The following NBAS variants were observed in gnomAD, a reference collection of about 807,000 sequenced individuals.
NBAS encodes the protein NBAS subunit of NRZ tethering complex, also known as NAG/BC035112 fusion.
A neutral mutation model predicts 302.5 loss-of-function variants in NBAS; 219 were observed. The observed-to-expected ratio is 0.72, with a 90% CI of 0.65 to 0.81. NBAS has a LOEUF of 0.81. NBAS is among the 30% of genes least tolerant of loss of function. The pLI is 0.00. For synonymous variants in NBAS, 1,118 were observed against 1,021.6 expected, an observed-to-expected ratio of 1.09 and a Z score of -1.80; for missense variants, 2,932 against 2,841.6, an observed-to-expected ratio of 1.03 and a Z score of -0.72.
chr2:15,221,693 G>C (rs1243161846), intron 47 of NBAS, among the ~76,000 whole-genome samples: 2 of 152,218 alleles, frequency 1.3e-5, no homozygotes, highest in African/African-American at 4.8e-5. Flanking sequence ...ATAAATGCAA[G>C]TGTGGGAAAA....
the NBAS span, among the ~76,000 whole-genome samples, chr2:14,871,817 G>A: frequency 6.6e-6 from 1 of 151,892 alleles, no homozygotes. Flanking sequence ...GCAGGTAAGA[G>A]GCCAAAATTG....
rs546339807 is a variant in NBAS, at chr2:15,413,577, G to A, written c.2937+1969C>T. On this transcript the variant is annotated intron_variant, in intron 25 of 51. Coordinates refer to ENST00000281513, the MANE Select transcript of NBAS (RefSeq NM_015909.4). Reference sequence around the variant, plus strand: ...ACAAAGGAAACAGTCTGTAACACACGGAGGGCCATGAGTGAAACAGACAGC... The same window carrying A: ...ACAAAGGAAACAGTCTGTAACACACAGAGGGCCATGAGTGAAACAGACAGC... 2.3e-4 allele frequency among the ~76,000 whole-genome samples: 35 copies of A among 152,272 alleles called. No individual in the cohort carries two copies. The South Asian group carries it at 6.4e-3, about 28-fold the overall frequency.
At chr2:15,482,376 C>T (rs374040450) in intron 12 of NBAS, among the ~76,000 whole-genome samples, 124 of 152,252 alleles carry the variant, frequency 8.1e-4, no homozygotes, top group African/African-American at 2.9e-3. Flanking sequence ...CCTAGGGCTC[C>T]CAAAGTGCTG....
At chr2:14,855,186 T>C in the NBAS span, among the ~76,000 whole-genome samples, 1 of 152,042 alleles carries the variant, frequency 6.6e-6, no homozygotes, top group Non-Finnish European at 1.5e-5. Flanking sequence ...AGGAACCCAC[T>C]GCCTTGAAGG....
chr2:15,006,989 A>G, the NBAS span, among the ~76,000 whole-genome samples: 2 of 152,220 alleles, frequency 1.3e-5, no homozygotes, highest in East Asian at 3.8e-4. Context: ...TTAAAACATC[A>G]TTAAACACTA....
intron 21 of NBAS, among the ~76,000 whole-genome samples, chr2:15,439,137 T>C (rs1678195919): frequency 1.3e-5 from 2 of 151,580 alleles, no homozygotes; most frequent in South Asian, 2.1e-4. Flanking sequence ...CTACTAAAAA[T>C]ACACACACAA....
At chr2:15,018,839 A>G in the NBAS span, among the ~76,000 whole-genome samples, 22 of 152,186 alleles carry the variant, frequency 1.4e-4, no homozygotes, top group African/African-American at 5.3e-4. Context: ...TTTCTAAAAT[A>G]AAGAGTTGTT....
the NBAS span, among the ~76,000 whole-genome samples, chr2:14,991,168 C>T: frequency 6.6e-6 from 1 of 151,964 alleles, no homozygotes; most frequent in African/African-American, 2.4e-5. Context: ...CATGCAGGGT[C>T]CAAAAATCAA....
chr2:15,353,996 G>C (rs1016627764), intron 33 of NBAS, among the ~76,000 whole-genome samples: 3 of 152,152 alleles, frequency 2.0e-5, no homozygotes, highest in Non-Finnish European at 4.4e-5. Flanking sequence ...ACTGAGATTT[G>C]GTGTTCTGTG....
Position 15,166,978 on chromosome 2 carries a change from A to G in NBAS, c.*70T>C, listed in dbSNP as rs772717623. 6.7e-7 allele frequency: 1 copy of G among 1,485,192 alleles called. No individual in the cohort carries two copies. The highest frequency in any genetic ancestry group is 9.0e-7 in the Non-Finnish European group (1 of 1,111,440). 92.0% of individuals were successfully genotyped at this position (1,485,192 alleles called of 1,614,324 possible). Reference sequence around the variant, plus strand: ...CATGGAGAACAATCGGCAGATACACATGTTGCTTCTGGGAACAGCATTCAA... The same window carrying G: ...CATGGAGAACAATCGGCAGATACACGTGTTGCTTCTGGGAACAGCATTCAA... On this transcript the variant is annotated 3_prime_UTR_variant, in exon 52 of 52. Coordinates refer to ENST00000281513, the MANE Select transcript of NBAS (RefSeq NM_015909.4).
intron 36 of NBAS, 37 bp from the exon 37 acceptor site, chr2:15,328,349 G>T (rs754126308): frequency 1.3e-6 from 2 of 1,517,546 alleles, no homozygotes; most frequent in Non-Finnish European, 9.1e-7. Flanking sequence ...TGGATAAAAA[G>T]AAAGAGAAGG....
At position 15,288,660 on chromosome 2, in the gene NBAS, A is replaced by G. The variant is rs117043649; in HGVS notation, c.5028-1477T>C. Reference sequence around the variant, plus strand: ...CACCCACATTATAAGGCCATTTTAGAAAGACTACTGCAGGACTCCTATTTT... The same window carrying G: ...CACCCACATTATAAGGCCATTTTAGGAAGACTACTGCAGGACTCCTATTTT... On this transcript the variant is annotated intron_variant, in intron 41 of 51. Transcript: ENST00000281513. Among the ~76,000 whole-genome samples, 143 of 152,330 alleles carry G rather than the reference A, an allele frequency of 9.4e-4. 4 individuals carry two copies. The East Asian group carries it at 0.024, about 25-fold the overall frequency.
At position 15,206,679 on chromosome 2, in the gene NBAS, T is replaced by G. The variant is rs934996849; in HGVS notation, c.6432+12094A>C. On this transcript the variant is annotated intron_variant, in intron 48 of 51. Transcript: ENST00000281513. Reference sequence around the variant, plus strand: ...TGCCCTGCATTCCAGCCACTCAGGCTCCAGCTGTGGCTAAAAGGGGCAAAC... The same window carrying G: ...TGCCCTGCATTCCAGCCACTCAGGCGCCAGCTGTGGCTAAAAGGGGCAAAC... 2.6e-5 allele frequency among the ~76,000 whole-genome samples: 4 copies of G among 152,278 alleles called. 1 individual carries two copies. Among genetic ancestry groups the G allele is most frequent in the Admixed American group, 2.6e-4 (4 of 15,288 alleles).
At chr2:15,347,438 C>T (rs1251093067) in intron 35 of NBAS, among the ~76,000 whole-genome samples, 1 of 152,166 alleles carries the variant, frequency 6.6e-6, no homozygotes, top group Non-Finnish European at 1.5e-5. Flanking sequence ...AAATGCTGGC[C>T]AAGATACTGT....
chr2:15,038,173 T>C, the NBAS span, among the ~76,000 whole-genome samples: 1 of 145,584 alleles, frequency 6.9e-6, no homozygotes, highest in Non-Finnish European at 1.5e-5. Flanking sequence ...AGTGCAGTGG[T>C]GCGATCTCAG....
chr2:14,831,537 ATT>A, the NBAS span, among the ~76,000 whole-genome samples: 1,079 of 152,252 alleles, frequency 7.1e-3, 20 homozygotes, highest in African/African-American at 0.024. Flanking sequence ...TAGTCATGCA[ATT>A]TTTCTTTGCC....
At chr2:15,255,177 C>T (rs1320084373) in intron 44 of NBAS, among the ~76,000 whole-genome samples, 1 of 152,118 alleles carries the variant, frequency 6.6e-6, no homozygotes, top group Non-Finnish European at 1.5e-5. Flanking sequence ...GTTTACATTC[C>T]CACCAGCAGT....
the NBAS span, among the ~76,000 whole-genome samples, chr2:14,967,530 C>G: frequency 6.6e-6 from 1 of 152,104 alleles, no homozygotes; most frequent in Non-Finnish European, 1.5e-5. Flanking sequence ...AAGAGCACCT[C>G]AGTAAAAACT....
intron 14 of NBAS, among the ~76,000 whole-genome samples, chr2:15,475,130 T>C (rs1307283583): frequency 6.6e-6 from 1 of 152,224 alleles, no homozygotes; most frequent in Non-Finnish European, 1.5e-5. Context: ...CATAGTTTTC[T>C]TTAAGGAACA....
Sources: allele counts gnomAD v4.1 joint callset (sites outside exome capture counted in the v4.1 genomes callset), GRCh38; gene constraint gnomAD v4.1.1; transcripts MANE v1.5; gene names NCBI Gene and HGNC (gene_info 2026-07-23, HGNC 2026-07-21).